Variants in ZFYVE26 observed in about 807,000 individuals in gnomAD.
The protein encoded by ZFYVE26 is zinc finger FYVE domain-containing protein 26.
ZFYVE26 carries 181 observed loss-of-function variants against 276.5 expected under a neutral mutation model. The ratio of observed to expected loss-of-function variants is 0.65; its 90% CI spans 0.58 to 0.74. The LOEUF is 0.74. Ranked by LOEUF, ZFYVE26 falls within the 30% of genes least tolerant of loss-of-function variation. ZFYVE26 has a pLI of 0.00. For missense variants in ZFYVE26, 2,821 were observed against 3,097.9 expected (o/e 0.91, Z 2.12); for synonymous variants, 1,129 against 1,203.1 (o/e 0.94, Z 1.27).
chr14:67,768,580 A>C, intron 29 of ZFYVE26, 32 bp from the exon 30 acceptor site: 1 of 1,611,310 alleles, frequency 6.2e-7, no homozygotes, highest in Non-Finnish European at 8.5e-7. Context: ...TTATTAAATA[A>C]ATGCCTGAGT....
In ZFYVE26 at chr14:67,803,788, CT is replaced by C. The variant is rs201016731; in HGVS notation, c.1435+312del. Among the ~76,000 whole-genome samples, 598 of 152,276 alleles carry C rather than the reference CT, an allele frequency of 3.9e-3. 2 individuals carry two copies. Among genetic ancestry groups the C allele is most frequent in the Middle Eastern group, 0.017 (5 of 294 alleles). ...TTTGCATAAACACTGACTAACAATG[CT>C]GTGTATTCAGAGGGCAATTTCTAAT... is the stretch of plus-strand genomic sequence containing the variant. On this transcript the variant is annotated intron_variant, in intron 9 of 41. Transcript: ENST00000347230.
chr14:67,762,861 TCTTA>T, intron 32 of ZFYVE26, 42 bp from the exon 33 acceptor site: 1 of 1,611,426 alleles, frequency 6.2e-7, no homozygotes, highest in Non-Finnish European at 8.5e-7. Flanking sequence ...CTCCCTAGTG[TCTTA>T]CTAAGAGTAG....
intron 29 of ZFYVE26, among the ~76,000 whole-genome samples, chr14:67,769,013 T>G (rs191256626): frequency 6.6e-6 from 1 of 152,336 alleles, no homozygotes; most frequent in East Asian, 1.9e-4. Context: ...AGGTTCATGC[T>G]TCTTTGCTAC....
chr14:67,761,857 A>G, intron 34 of ZFYVE26: 2 of 565,182 alleles, frequency 3.5e-6, no homozygotes, highest in Non-Finnish European at 6.3e-6. Context: ...ACACAATTCT[A>G]CATATTATGA....
chr14:67,809,406 C>CTATTTTTTTTTTTTTTTTTTTTT (rs1566899149), intron 3 of ZFYVE26, 117 bp from the exon 4 acceptor site: 1 of 223,334 alleles, frequency 4.5e-6, no homozygotes. Context: ...AGATGAAGCA[C>CTATTTTTTTTTTTTTTTTTTTTT]TCTTTTTTTT....
chr14:67,737,425 G>A (rs1451065687), intron 13 of ZFYVE26, among the ~76,000 whole-genome samples: 1 of 152,100 alleles, frequency 6.6e-6, no homozygotes, highest in Non-Finnish European at 1.5e-5. Flanking sequence ...GGTGGCAGGA[G>A]AGAGAGAGAG....
intron 12 of ZFYVE26, among the ~76,000 whole-genome samples, chr14:67,795,101 G>A (rs886306015): frequency 6.6e-6 from 1 of 152,174 alleles, no homozygotes; most frequent in Non-Finnish European, 1.5e-5. Flanking sequence ...CCTTAGCCTG[G>A]TCATTCGAGG....
intron 1 of ZFYVE26, 134 bp from the exon 2 acceptor site, chr14:67,816,180 T>C: frequency 3.7e-6 from 2 of 543,168 alleles, no homozygotes; most frequent in Non-Finnish European, 6.5e-6. Flanking sequence ...CCCACGTTAC[T>C]TTTTGAAAAC....
chr14:67,774,154 T>C (rs1247738817), intron 27 of ZFYVE26, among the ~76,000 whole-genome samples: 2 of 152,236 alleles, frequency 1.3e-5, no homozygotes, highest in Non-Finnish European at 2.9e-5. Flanking sequence ...CATGAAAGTT[T>C]TGAGTCACCC....
At chr14:67,731,390 T>C (rs1436488517) in intron 13 of ZFYVE26, among the ~76,000 whole-genome samples, 2 of 151,746 alleles carry the variant, frequency 1.3e-5, no homozygotes, top group African/African-American at 4.8e-5. Context: ...AGTTTTTGTA[T>C]TTCTAGTAGA....
At chr14:67,756,412 C>A in intron 35 of ZFYVE26, 1 of 518,432 alleles carries the variant, frequency 1.9e-6, no homozygotes, top group Non-Finnish European at 3.5e-6. Context: ...CTTGAACCCA[C>A]TCTAATCTAG....
intron 12 of ZFYVE26, among the ~76,000 whole-genome samples, chr14:67,794,783 A>G (rs1004315015): frequency 6.6e-6 from 1 of 152,168 alleles, no homozygotes. Flanking sequence ...CGTCTACACA[A>G]AAAATTAAAA....
intron 6 of ZFYVE26, among the ~76,000 whole-genome samples, 183 bp downstream of exon 6, chr14:67,806,362 T>C (rs1314638772): frequency 6.6e-6 from 1 of 152,240 alleles, no homozygotes; most frequent in Non-Finnish European, 1.5e-5. Flanking sequence ...CAACTGTAAG[T>C]ATGAATGGCA....
intron 22 of ZFYVE26, 151 bp downstream of exon 22, chr14:67,781,182 C>T: frequency 1.2e-6 from 1 of 838,668 alleles, no homozygotes; most frequent in South Asian, 1.4e-5. Context: ...AGGAGGCCTC[C>T]CTGCTGTTCA....
intron 35 of ZFYVE26, among the ~76,000 whole-genome samples, chr14:67,758,503 C>T (rs2038846089): frequency 6.6e-6 from 1 of 152,124 alleles, no homozygotes; most frequent in Admixed American, 6.6e-5. Flanking sequence ...CAATTGTAAA[C>T]AAACAGTGGC....
chr14:67,815,595 T>C lies in ZFYVE26; in HGVS notation c.194+175A>G, dbSNP rs1206552053. 14 of 680,432 alleles carry C rather than the reference T, an allele frequency of 2.1e-5. No individual in the cohort carries two copies. The East Asian group carries it at 3.5e-4, about 17-fold the overall frequency. The allele number at this position is 680,432 out of a possible 1,614,324, so 42.1% of individuals were successfully genotyped here. A position where few individuals can be genotyped will look rare whatever the true frequency, so the allele number is the denominator to read the frequency against. On this transcript the variant is annotated intron_variant, in intron 2 of 41. Coordinates refer to ENST00000347230, the MANE Select transcript of ZFYVE26 (RefSeq NM_015346.4). The stretch of plus-strand genomic sequence containing the variant: ...TGCAGATGATAATCAAAAGCCAATA[T>C]TGACTAAGTAATGGATGTATACTAT...
At position 67,775,893 on chromosome 14, in the gene ZFYVE26, C is replaced by A; in HGVS notation, c.5188G>T (p.Asp1730Tyr). 6.2e-7 allele frequency: 1 copy of A among 1,614,200 alleles called. No homozygotes were observed. The highest frequency in any genetic ancestry group is 8.5e-7 in the Non-Finnish European group (1 of 1,180,028). The change falls in exon 26 of 42, where the codon GAC becomes TAC. Residue 1730 changes from aspartate to tyrosine, a missense_variant. Coordinates refer to ENST00000347230, the MANE Select transcript of ZFYVE26 (RefSeq NM_015346.4). ...TTCTCCCTCTGAGGGTATGGAAAGT[C>A]CAGGGCTTTCTCTGCGTATCTGGAA... is the stretch of plus-strand genomic sequence containing the variant. Reference protein sequence around the residue: ...LLSRYAEKALDFPYPQREKRS... With the variant: ...LLSRYAEKALYFPYPQREKRS...
intron 4 of ZFYVE26, 40 bp from the exon 5 acceptor site, chr14:67,807,960 C>T (rs745752301): frequency 6.2e-7 from 1 of 1,611,752 alleles, no homozygotes; most frequent in South Asian, 1.1e-5. Context: ...GGTGGGCATG[C>T]CTGGAATGGT....
In ZFYVE26 at chr14:67,793,679, TG is replaced by T; in HGVS notation, c.2481del (p.Met828Ter). 1.2e-6 allele frequency: 2 copies of T among 1,613,834 alleles called. No individual in the cohort carries two copies. Among genetic ancestry groups the T allele is most frequent in the Non-Finnish European group, 1.7e-6 (2 of 1,179,866 alleles). On this transcript the variant is annotated frameshift_variant, in exon 14 of 42. Transcript: ENST00000347230. LOFTEE classifies it high-confidence loss of function. ...LHPHPQSSLI[P>X]MMFSPPESLL... ...AGTGACTCAGGTGGGGAGAACATCA[TG>T]GGGATGAGTGAACTTTGAGGATGGG...
Sources: allele counts gnomAD v4.1 joint callset (sites outside exome capture counted in the v4.1 genomes callset), GRCh38; gene constraint gnomAD v4.1.1; transcripts MANE v1.5; gene names NCBI Gene and HGNC (gene_info 2026-07-23, HGNC 2026-07-21).